The following MYO1D variants were observed in gnomAD, a reference collection of about 807,000 sequenced individuals.
The protein encoded by MYO1D is myosin ID.
MYO1D carries 83 observed loss-of-function variants against 122.0 expected under a neutral mutation model. The ratio of observed to expected loss-of-function variants is 0.68; its 90% CI spans 0.57 to 0.82. The LOEUF (loss-of-function observed/expected upper bound fraction) is 0.82, where lower values mean the gene tolerates loss of function less well. MYO1D is among the 40% of genes least tolerant of loss of function. The pLI is 0.00. For synonymous variants in MYO1D, 464 were observed against 446.9 expected (o/e 1.04, Z -0.48); for missense variants, 1,157 against 1,269.5 (o/e 0.91, Z 1.35).
intron 19 of MYO1D, among the ~76,000 whole-genome samples, chr17:32,642,567 G>A (rs1013037086): frequency 6.6e-6 from 1 of 152,184 alleles, no homozygotes; most frequent in African/African-American, 2.4e-5. Flanking sequence ...CCATGAGCAT[G>A]GAATGTTCTT....
At chr17:32,813,340 A>G (rs915935744) in intron 1 of MYO1D, among the ~76,000 whole-genome samples, 1 of 152,258 alleles carries the variant, frequency 6.6e-6, no homozygotes, top group African/African-American at 2.4e-5. Context: ...GGAAAATGTA[A>G]CAAAGGAGCT....
chr17:32,822,072 C>G (rs2090670682), intron 1 of MYO1D, among the ~76,000 whole-genome samples: 3 of 152,100 alleles, frequency 2.0e-5, no homozygotes, highest in Admixed American at 2.0e-4. Context: ...GACACATGCA[C>G]ACATATGTTT....
chr17:32,649,946 T>C lies in MYO1D; in HGVS notation c.2595+3897A>G, dbSNP rs114530005. ...CTTTCACCTGTTGGTTATTATGAATTATGCTGCCATAAACATTGGTATATA... is the reference window on the plus strand; with the variant it reads ...CTTTCACCTGTTGGTTATTATGAATCATGCTGCCATAAACATTGGTATATA... On this transcript the variant is annotated intron_variant, in intron 19 of 21. Transcript: ENST00000318217. Among the ~76,000 whole-genome samples the C allele has an allele frequency of 3.7e-3, 568 of 152,308 alleles. 4 individuals are homozygous for C. Among genetic ancestry groups the C allele is most frequent in the African/African-American group, 0.013 (533 of 41,566 alleles).
intron 14 of MYO1D, 127 bp downstream of exon 14, chr17:32,738,121 TATAAC>T: frequency 2.7e-6 from 2 of 742,486 alleles, no homozygotes; most frequent in Non-Finnish European, 3.9e-6. Flanking sequence ...AAAATTCTAT[TATAAC>T]ATTCACTTTA....
intron 12 of MYO1D, among the ~76,000 whole-genome samples, chr17:32,748,249 CA>C (rs1398244699): frequency 6.6e-6 from 1 of 152,080 alleles, no homozygotes; most frequent in East Asian, 1.9e-4. Context: ...AATAATGTAG[CA>C]AAAATGGTTT....
At chr17:32,553,393 G>A (rs1389800180) in intron 21 of MYO1D, among the ~76,000 whole-genome samples, 1 of 152,222 alleles carries the variant, frequency 6.6e-6, no homozygotes, top group Non-Finnish European at 1.5e-5. Flanking sequence ...TGAAAGAGGA[G>A]TGGCTCACCA....
At chr17:32,673,428 G>T (rs1381673175) in intron 16 of MYO1D, among the ~76,000 whole-genome samples, 2 of 151,994 alleles carry the variant, frequency 1.3e-5, no homozygotes, top group Admixed American at 1.3e-4. Flanking sequence ...TTTAATAAGA[G>T]AATGAAATCA....
chr17:32,798,460 G>A (rs911060184), intron 1 of MYO1D, among the ~76,000 whole-genome samples: 1 of 152,120 alleles, frequency 6.6e-6, no homozygotes, highest in African/African-American at 2.4e-5. Context: ...TAGCGTAAGT[G>A]GTTACTTCCC....
intron 13 of MYO1D, among the ~76,000 whole-genome samples, chr17:32,739,728 C>CT (rs1053346744): frequency 1.3e-5 from 2 of 152,274 alleles, no homozygotes; most frequent in South Asian, 2.1e-4. Context: ...ATTTTACCCA[C>CT]TTTTTTTCCC....
chr17:32,691,776 G>A (rs1399397523), intron 16 of MYO1D, among the ~76,000 whole-genome samples: 1 of 152,088 alleles, frequency 6.6e-6, no homozygotes, highest in South Asian at 2.1e-4. Flanking sequence ...ATTTCTAGAG[G>A]TATAATTGCT....
intron 1 of MYO1D, among the ~76,000 whole-genome samples, chr17:32,850,166 C>A (rs1425474886): frequency 6.6e-6 from 1 of 152,166 alleles, no homozygotes; most frequent in Non-Finnish European, 1.5e-5. Flanking sequence ...AACTTTCAAA[C>A]CAGTTTAATA....
intron 21 of MYO1D, among the ~76,000 whole-genome samples, chr17:32,568,902 C>A (rs1386321557): frequency 6.6e-6 from 1 of 152,220 alleles, no homozygotes; most frequent in African/African-American, 2.4e-5. Flanking sequence ...TGCATCTTGA[C>A]TGGACACAGT....
chr17:32,592,660 G>C (rs1446097181), intron 21 of MYO1D, among the ~76,000 whole-genome samples: 1 of 151,304 alleles, frequency 6.6e-6, no homozygotes, highest in East Asian at 1.9e-4. Flanking sequence ...CAACCAGGAG[G>C]GGAGGGGATG....
At chr17:32,847,261 T>A (rs990867802) in intron 1 of MYO1D, among the ~76,000 whole-genome samples, 1 of 152,210 alleles carries the variant, frequency 6.6e-6, no homozygotes, top group African/African-American at 2.4e-5. Context: ...AAAACTATCA[T>A]GCAATTTTCA....
intron 1 of MYO1D, among the ~76,000 whole-genome samples, chr17:32,837,929 GTTC>G (rs1461876465): frequency 5.3e-5 from 8 of 152,082 alleles, no homozygotes; most frequent in South Asian, 2.1e-4. Context: ...GCTTTTTAGA[GTTC>G]TTCTCATTCA....
chr17:32,721,313 C>G (rs992045667), intron 14 of MYO1D, 124 bp from the exon 15 acceptor site: 2 of 868,850 alleles, frequency 2.3e-6, no homozygotes, highest in East Asian at 5.0e-5. Context: ...CTCAGGCATA[C>G]ACTTGTGAAT....
At chr17:32,553,169 T>C (rs541503539) in intron 21 of MYO1D, among the ~76,000 whole-genome samples, 3 of 151,416 alleles carry the variant, frequency 2.0e-5, no homozygotes, top group East Asian at 3.9e-4. Context: ...CTGGTGAATG[T>C]TGAGTTAACT....
intron 14 of MYO1D, among the ~76,000 whole-genome samples, chr17:32,732,121 C>T (rs1310551457): frequency 1.3e-5 from 2 of 152,224 alleles, no homozygotes; most frequent in Non-Finnish European, 2.9e-5. Context: ...AAGAGCACAG[C>T]GGAAGGCCAA....
At chr17:32,844,230 A>C (rs1390378818) in intron 1 of MYO1D, among the ~76,000 whole-genome samples, 3 of 147,576 alleles carry the variant, frequency 2.0e-5, no homozygotes, top group Non-Finnish European at 4.5e-5. Flanking sequence ...ATATGTATAT[A>C]TCATGTATGT....
Sources: allele counts gnomAD v4.1 joint callset (sites outside exome capture counted in the v4.1 genomes callset), GRCh38; gene constraint gnomAD v4.1.1; transcripts MANE v1.5; gene names NCBI Gene and HGNC (gene_info 2026-07-23, HGNC 2026-07-21).